The following NPAS3 variants were observed in gnomAD, a reference collection of about 807,000 sequenced individuals.
NPAS3 encodes neuronal PAS domain protein 3.
A neutral mutation model predicts 73.1 loss-of-function variants in NPAS3; 14 were observed. The ratio of observed to expected loss-of-function variants is 0.19; its 90% CI spans 0.13 to 0.30. The LOEUF (loss-of-function observed/expected upper bound fraction) is 0.30, where lower values mean the gene tolerates loss of function less well. Ranked by LOEUF, NPAS3 falls within the 10% of genes least tolerant of loss-of-function variation. The pLI is 1.00. For synonymous variants in NPAS3, 620 were observed against 541.5 expected (o/e 1.14, Z -2.01); for missense variants, 1,096 against 1,250.0 (o/e 0.88, Z 1.86).
At chr14:32,953,082 T>A (rs890520751) in intron 1 of NPAS3, among the ~76,000 whole-genome samples, 22 of 96,596 alleles carry the variant, frequency 2.3e-4, no homozygotes, top group Non-Finnish European at 4.5e-4. Context: ...AAACAAATCA[T>A]CAAACAAAAA....
intron 2 of NPAS3, among the ~76,000 whole-genome samples, chr14:33,070,434 C>T (rs2138644029): frequency 6.6e-6 from 1 of 152,294 alleles, no homozygotes; most frequent in South Asian, 2.1e-4. Context: ...CTTAATTCTG[C>T]TTTCATTGTG....
intron 2 of NPAS3, among the ~76,000 whole-genome samples, chr14:33,057,530 T>A (rs2040934085): frequency 6.6e-6 from 1 of 152,236 alleles, no homozygotes; most frequent in Non-Finnish European, 1.5e-5. Context: ...TTTAATTAAG[T>A]CAGTTTCACG....
chr14:33,123,133 A>G (rs1241023029), intron 2 of NPAS3, among the ~76,000 whole-genome samples: 2 of 152,094 alleles, frequency 1.3e-5, no homozygotes, highest in Non-Finnish European at 2.9e-5. Context: ...ATTAAATAAT[A>G]GTATTTTATG....
exon 8 of NPAS3, chr14:33,774,393 C>A: frequency 6.2e-7 from 1 of 1,614,074 alleles, no homozygotes; most frequent in Non-Finnish European, 8.5e-7. Flanking sequence ...ACGGGAGGAC[C>A]GTCCCCAGCC....
At chr14:33,215,563 T>C in intron 3 of NPAS3, 137 bp downstream of exon 3, 2 of 989,886 alleles carry the variant, frequency 2.0e-6, no homozygotes, top group East Asian at 2.4e-5. Flanking sequence ...ATCTGAACTC[T>C]GCATGAGAAA....
chr14:33,212,934 G>A (rs552891563), intron 2 of NPAS3, among the ~76,000 whole-genome samples: 1 of 152,272 alleles, frequency 6.6e-6, no homozygotes, highest in East Asian at 1.9e-4. Flanking sequence ...CCTGATCCAT[G>A]TTTGACTATG....
chr14:33,512,819 T>C (rs1389080162), intron 4 of NPAS3, among the ~76,000 whole-genome samples: 1 of 152,054 alleles, frequency 6.6e-6, no homozygotes. Context: ...GAACATCTGA[T>C]TTAGACTTCT....
At position 33,800,851 on chromosome 14, in the gene NPAS3, G is replaced by T; in HGVS notation, c.2544G>T (p.Ala848=). ...TGCAGAGCAACCTGCTGCCCAACGC[G>T]CACGCTGTTAACTTCGTGGACGTTA... Residue 848 remains alanine, a synonymous_variant, in exon 12 of 12, where the codon GCG becomes GCT. Coordinates refer to ENST00000356141, the Ensembl canonical transcript of NPAS3. This position sits in a 1 kb window ranked among gnomAD's most constrained non-coding sequence, Gnocchi z 6.5. The T allele has an allele frequency of 6.2e-7, 1 of 1,604,398 alleles. No homozygotes were observed. The highest frequency in any genetic ancestry group is 1.7e-4 in the Middle Eastern group (1 of 6,056).
chr14:33,375,840 A>T (rs2046290366), intron 4 of NPAS3, among the ~76,000 whole-genome samples: 2 of 152,202 alleles, frequency 1.3e-5, no homozygotes, highest in South Asian at 2.1e-4. Flanking sequence ...TATAAAAGAG[A>T]TGTGACATGT....
chr14:33,017,056 G>T (rs561778503), intron 1 of NPAS3, among the ~76,000 whole-genome samples: 11 of 152,200 alleles, frequency 7.2e-5, no homozygotes, highest in African/African-American at 2.6e-4. Flanking sequence ...TTCTAAATGA[G>T]CCCCTAACTG....
intron 4 of NPAS3, among the ~76,000 whole-genome samples, chr14:33,515,136 CAT>C (rs2053237444): frequency 6.6e-6 from 1 of 152,068 alleles, no homozygotes; most frequent in Non-Finnish European, 1.5e-5. Context: ...CTGTAACATG[CAT>C]GTGTGTGCAC....
chr14:33,767,112 G>T (rs774783728), intron 7 of NPAS3, among the ~76,000 whole-genome samples: 7 of 152,146 alleles, frequency 4.6e-5, no homozygotes, highest in Non-Finnish European at 1.5e-5. Context: ...TTCAGCTAAG[G>T]CTTGTTTTTA....
Position 33,095,657 on chromosome 14 carries a change from C to CTTTTTTTTTTTTTTTTTTTTTT in NPAS3, c.140+39667_140+39668insTTTTTTTTTTTTTTTTTTTTTT, listed in dbSNP as rs201283993. ...TACACAAAGGCGTGGGCATTCTCTG[C>CTTTTTTTTTTTTTTTTTTTTTT]TTTTATTTTTTTATTTTTTTTTTTT... On this transcript the variant is annotated intron_variant, in intron 2 of 11. Transcript: ENST00000356141. 6.1e-5 allele frequency among the ~76,000 whole-genome samples: 6 copies of CTTTTTTTTTTTTTTTTTTTTTT among 97,654 alleles called. 2 individuals carry two copies. The highest frequency in any genetic ancestry group is 5.9e-4 in the South Asian group (2 of 3,402). The allele number at this position is 97,654 out of a possible 152,430, so 64.1% of individuals were successfully genotyped here. A position where few individuals can be genotyped will look rare whatever the true frequency, so the allele number is the denominator to read the frequency against.
intron 2 of NPAS3, among the ~76,000 whole-genome samples, chr14:33,150,151 G>A (rs1233348915): frequency 6.6e-6 from 1 of 152,142 alleles, no homozygotes; most frequent in African/African-American, 2.4e-5. Context: ...ATTCCATGGT[G>A]TACATGTGCC....
chr14:33,575,622 T>C (rs147637474), intron 5 of NPAS3, among the ~76,000 whole-genome samples: 3 of 152,336 alleles, frequency 2.0e-5, no homozygotes, highest in African/African-American at 7.2e-5. Flanking sequence ...TTCAGTGAGC[T>C]CTTGGTAAGA....
intron 5 of NPAS3, among the ~76,000 whole-genome samples, chr14:33,623,923 C>T (rs998631051): frequency 2.0e-5 from 3 of 152,168 alleles, no homozygotes; most frequent in African/African-American, 7.2e-5. Flanking sequence ...GCTAAAAGGA[C>T]TCCTCAGGTA....
At chr14:33,224,481 A>G (rs2047549525) in intron 3 of NPAS3, among the ~76,000 whole-genome samples, 1 of 152,228 alleles carries the variant, frequency 6.6e-6, no homozygotes, top group East Asian at 1.9e-4. Context: ...TTCTGGGTCC[A>G]TAGTATGTTA....
At chr14:33,166,928 C>T (rs2045182252) in intron 2 of NPAS3, among the ~76,000 whole-genome samples, 1 of 152,172 alleles carries the variant, frequency 6.6e-6, no homozygotes, top group Non-Finnish European at 1.5e-5. Context: ...TTTAAAGGCA[C>T]TGCTCTTTTC....
At chr14:33,500,470 G>T (rs957285179) in intron 4 of NPAS3, among the ~76,000 whole-genome samples, 1 of 151,884 alleles carries the variant, frequency 6.6e-6, no homozygotes. Context: ...GATGAATCGG[G>T]TGTGGTTTTT....
Sources: gnomAD v4.1 joint callset for allele counts (sites outside exome capture counted in the v4.1 genomes callset) on GRCh38, gnomAD v4.1.1 for gene constraint, Gnocchi (gnomAD v3.1) non-coding constraint, MANE v1.5 for transcripts, NCBI Gene and HGNC (gene_info 2026-07-23, HGNC 2026-07-21) for gene names.